SLC25A21: variants seen among roughly 807,000 people sequenced by gnomAD.
SLC25A21 encodes the protein solute carrier family 25 member 21, also known as mitochondrial 2-oxodicarboxylate carrier.
SLC25A21 carries 47 observed loss-of-function variants against 43.8 expected under a neutral mutation model. The observed-to-expected ratio is 1.07, with a 90% CI of 0.85 to 1.37. SLC25A21 has a LOEUF of 1.37. SLC25A21 is among the 40% of genes most tolerant of loss of function. SLC25A21 has a pLI of 0.00. For synonymous variants in SLC25A21, 131 were observed against 121.3 expected (o/e 1.08, Z -0.52); for missense variants, 352 against 350.2 (o/e 1.00, Z -0.04).
chr14:36,959,058 C>T (rs921306271), intron 1 of SLC25A21, among the ~76,000 whole-genome samples: 1 of 152,150 alleles, frequency 6.6e-6, no homozygotes, highest in Non-Finnish European at 1.5e-5. Context: ...TCGTGGTTGC[C>T]TTCACTATCA....
At chr14:37,002,037 A>G (rs1343753444) in intron 1 of SLC25A21, among the ~76,000 whole-genome samples, 1 of 152,202 alleles carries the variant, frequency 6.6e-6, no homozygotes, top group Non-Finnish European at 1.5e-5. Flanking sequence ...GTCAAAACTT[A>G]TTCATCATGC....
intron 5 of SLC25A21, among the ~76,000 whole-genome samples, chr14:36,725,959 T>C (rs1884586631): frequency 6.6e-6 from 1 of 152,232 alleles, no homozygotes; most frequent in African/African-American, 2.4e-5. Flanking sequence ...GCAAGGTTGT[T>C]TTACTGATTT....
intron 1 of SLC25A21, among the ~76,000 whole-genome samples, chr14:37,087,137 C>T (rs1334851387): frequency 6.6e-6 from 1 of 152,040 alleles, no homozygotes; most frequent in Non-Finnish European, 1.5e-5. Flanking sequence ...TTTTAATGGC[C>T]CTTTTGATGA....
intron 6 of SLC25A21, among the ~76,000 whole-genome samples, chr14:36,715,166 A>G (rs1220644318): frequency 6.6e-6 from 1 of 152,208 alleles, no homozygotes; most frequent in Non-Finnish European, 1.5e-5. Context: ...TAGTACAAAT[A>G]TATTTTTCTG....
At chr14:37,087,001 C>G in intron 1 of SLC25A21, among the ~76,000 whole-genome samples, 2 of 152,204 alleles carry the variant, frequency 1.3e-5, no homozygotes, top group Non-Finnish European at 1.5e-5. Context: ...GTGCAGAAGC[C>G]TAATAGATGC....
chr14:36,767,808 C>G (rs1330516560), intron 3 of SLC25A21, among the ~76,000 whole-genome samples: 1 of 152,190 alleles, frequency 6.6e-6, no homozygotes, highest in Non-Finnish European at 1.5e-5. Context: ...TCTAGCCCAG[C>G]AATTCAGGCC....
At chr14:37,147,839 C>CTTTTT (rs1566913739) in intron 1 of SLC25A21, among the ~76,000 whole-genome samples, 2 of 42,574 alleles carry the variant, frequency 4.7e-5, no homozygotes, top group Non-Finnish European at 1.1e-4. Context: ...TCTTTTTTTT[C>CTTTTT]TTTTCTTTTT....
In SLC25A21 at chr14:36,725,666, A is replaced by C; in HGVS notation, c.342T>G (p.Ile114Met). Residue 114 changes from isoleucine (I) to methionine (M), a missense_variant, in exon 6 of 10, where the codon ATT (isoleucine) becomes ATG (methionine). Ile to Met is a conservative substitution (Grantham distance 10, BLOSUM62 1). Transcript: ENST00000331299. ...VSLSPALTFA[I>M]AGLGSGLTEA... Reference sequence around the variant, plus strand: ...CTGTTAGTCCAGATCCCAATCCAGCAATGGCGAATGTCTAGAAAAATTAAA... The same window carrying C: ...CTGTTAGTCCAGATCCCAATCCAGCCATGGCGAATGTCTAGAAAAATTAAA... 2 of 1,596,062 alleles carry C rather than the reference A, an allele frequency of 1.3e-6. No homozygotes were observed. Among genetic ancestry groups the C allele is most frequent in the Non-Finnish European group, 1.7e-6 (2 of 1,171,442 alleles).
intron 3 of SLC25A21, among the ~76,000 whole-genome samples, chr14:36,787,295 G>A (rs1887286240): frequency 6.6e-6 from 1 of 152,210 alleles, no homozygotes; most frequent in African/African-American, 2.4e-5. Context: ...GTGAAGTGGG[G>A]AAGCAGTAAT....
chr14:36,788,021 C>T (rs1594587873), intron 3 of SLC25A21, among the ~76,000 whole-genome samples: 1 of 152,284 alleles, frequency 6.6e-6, no homozygotes, highest in East Asian at 1.9e-4. Flanking sequence ...ACATAAAGCA[C>T]ATTGCTCTCC....
intron 1 of SLC25A21, among the ~76,000 whole-genome samples, chr14:37,144,955 G>GT (rs774616408): frequency 7.5e-5 from 10 of 133,078 alleles, no homozygotes; most frequent in Non-Finnish European, 1.3e-4. Context: ...TGTTGTTGTT[G>GT]TTTGTTTGTT....
chr14:37,079,139 C>T (rs1962338316), intron 1 of SLC25A21, among the ~76,000 whole-genome samples: 1 of 152,126 alleles, frequency 6.6e-6, no homozygotes, highest in African/African-American at 2.4e-5. Flanking sequence ...CTGTTGTTTT[C>T]ATTCTATATA....
chr14:36,938,412 A>G (rs1018777691), intron 1 of SLC25A21, among the ~76,000 whole-genome samples: 2 of 152,118 alleles, frequency 1.3e-5, no homozygotes, highest in African/African-American at 4.8e-5. Context: ...CACCTTGTGC[A>G]TTAATTAGGG....
intron 1 of SLC25A21, among the ~76,000 whole-genome samples, chr14:37,115,602 T>C (rs1963093075): frequency 6.6e-6 from 1 of 152,198 alleles, no homozygotes; most frequent in Non-Finnish European, 1.5e-5. Context: ...TGGTGGTTCC[T>C]CCTAGAAATC....
At chr14:37,170,043 C>CTTTTTT (rs71449974) in intron 1 of SLC25A21, among the ~76,000 whole-genome samples, 1 of 147,596 alleles carries the variant, frequency 6.8e-6, no homozygotes, top group South Asian at 2.1e-4. Context: ...GTTTGATCTA[C>CTTTTTT]TTTTTTTTTT....
chr14:36,705,689 T>G (rs1594507382), intron 7 of SLC25A21, among the ~76,000 whole-genome samples: 1 of 152,160 alleles, frequency 6.6e-6, no homozygotes, highest in Non-Finnish European at 1.5e-5. Context: ...AACCAAGTAC[T>G]TTGAAGATGA....
intron 1 of SLC25A21, among the ~76,000 whole-genome samples, chr14:37,017,840 A>G (rs1960896424): frequency 1.3e-5 from 2 of 152,016 alleles, no homozygotes; most frequent in African/African-American, 2.4e-5. Flanking sequence ...ACACTAAGAT[A>G]ATATTTTCCC....
chr14:36,983,775 T>C (rs759523573), intron 1 of SLC25A21, among the ~76,000 whole-genome samples: 1 of 150,634 alleles, frequency 6.6e-6, no homozygotes, highest in Non-Finnish European at 1.5e-5. Flanking sequence ...AAACGTGTGG[T>C]ATATATATAT....
At chr14:36,830,277 A>C (rs968060133) in intron 2 of SLC25A21, among the ~76,000 whole-genome samples, 1 of 152,228 alleles carries the variant, frequency 6.6e-6, no homozygotes. Flanking sequence ...AGTTCACAGC[A>C]AAAGATGCTA....
Sources: gnomAD v4.1 joint callset for allele counts (sites outside exome capture counted in the v4.1 genomes callset) on GRCh38, gnomAD v4.1.1 for gene constraint, MANE v1.5 for transcripts, NCBI Gene and HGNC (gene_info 2026-07-23, HGNC 2026-07-21) for gene names.